Variants in IFT57 observed in about 807,000 individuals in gnomAD.
The protein encoded by IFT57 is intraflagellar transport protein 57 homolog.
A neutral mutation model predicts 56.8 loss-of-function variants in IFT57; 59 were observed. That is an observed-to-expected ratio of 1.04 (90% confidence interval 0.84 to 1.29). The LOEUF (loss-of-function observed/expected upper bound fraction) is 1.29. Among genes scored for constraint, IFT57 ranks in the 50% most tolerant of loss-of-function variants. IFT57 has a pLI of 0.00. For synonymous variants in IFT57, 209 were observed against 186.1 expected (o/e 1.12, Z -1.00); for missense variants, 470 against 522.1 (o/e 0.90, Z 0.97).
chr3:108,211,342 A>G (rs1364008468), intron 4 of IFT57, among the ~76,000 whole-genome samples: 1 of 152,246 alleles, frequency 6.6e-6, no homozygotes, highest in Non-Finnish European at 1.5e-5. Context: ...ATATATGAGT[A>G]CTTAATTTCT....
At chr3:108,180,065 A>T (rs2108313511) in intron 6 of IFT57, among the ~76,000 whole-genome samples, 1 of 152,174 alleles carries the variant, frequency 6.6e-6, no homozygotes, top group Admixed American at 6.6e-5. Context: ...ATCATCGGTA[A>T]GGAAGGCTAT....
chr3:108,163,328 T>C (rs905847166), intron 10 of IFT57, among the ~76,000 whole-genome samples: 2 of 152,078 alleles, frequency 1.3e-5, no homozygotes, highest in African/African-American at 4.8e-5. Context: ...CTTTTGTATA[T>C]AAAATAGAAA....
chr3:108,187,264 A>G (rs1372161718), intron 6 of IFT57, among the ~76,000 whole-genome samples: 1 of 152,222 alleles, frequency 6.6e-6, no homozygotes, highest in African/African-American at 2.4e-5. Flanking sequence ...TTAAGCTAAT[A>G]TTAAAATTAG....
In IFT57 at chr3:108,210,061, T is replaced by C. The variant is rs9816481; in HGVS notation, c.586-3365A>G. On this transcript the variant is annotated intron_variant, in intron 4 of 10. Coordinates refer to ENST00000264538, the MANE Select transcript of IFT57 (RefSeq NM_018010.4). ...TGTAAACAGGCTTAGAAAATTGTTT[T>C]GTAAACTATTAGAATACAATAGGAT... Among the ~76,000 whole-genome samples the C allele has an allele frequency of 4.6e-3, 702 of 152,280 alleles. 3 individuals carry two copies. Among genetic ancestry groups the C allele is most frequent in the African/African-American group, 0.016 (665 of 41,550 alleles).
intron 4 of IFT57, among the ~76,000 whole-genome samples, 155 bp from the exon 5 acceptor site, chr3:108,206,851 T>C (rs2080316769): frequency 6.6e-6 from 1 of 152,036 alleles, no homozygotes; most frequent in East Asian, 1.9e-4. Context: ...GTGCATAAAG[T>C]AGGGCACAAT....
chr3:108,175,933 C>G (rs755515285), intron 6 of IFT57, among the ~76,000 whole-genome samples: 31 of 151,762 alleles, frequency 2.0e-4, no homozygotes, highest in Non-Finnish European at 3.5e-4. Flanking sequence ...AAACCCTCAC[C>G]AGACCACAAC....
At chr3:108,214,278 T>C (rs535175280) in intron 3 of IFT57, among the ~76,000 whole-genome samples, 1 of 152,290 alleles carries the variant, frequency 6.6e-6, no homozygotes, top group South Asian at 2.1e-4. Context: ...TAATACACCA[T>C]ATTTAAATAC....
At chr3:108,172,660 T>G (rs1385733374) in intron 6 of IFT57, among the ~76,000 whole-genome samples, 1 of 151,798 alleles carries the variant, frequency 6.6e-6, no homozygotes, top group Non-Finnish European at 1.5e-5. Context: ...GAGGCAGAAC[T>G]AGCAAAACTT....
At chr3:108,205,990 A>T (rs1412256875) in intron 5 of IFT57, among the ~76,000 whole-genome samples, 40 of 27,154 alleles carry the variant, frequency 1.5e-3, no homozygotes, top group Non-Finnish European at 5.0e-3. Flanking sequence ...AATATATAAT[A>T]TATTTATGTT....
rs753896161 is a variant in IFT57 at position 108,165,415 on chromosome 3, G to A, written c.1044+16C>T. The A allele has an allele frequency of 2.5e-6, 4 of 1,608,278 alleles. No homozygotes were observed. The highest frequency in any genetic ancestry group is 3.4e-6 in the Non-Finnish European group (4 of 1,175,112). ...AGCTGACAGGTGAGAAGCAGGGCAA[G>A]AGCATCAGTGTGTACCTCAGAGAGG... On this transcript the variant is annotated intron_variant, in intron 9 of 10. Transcript: ENST00000264538.
intron 8 of IFT57, among the ~76,000 whole-genome samples, chr3:108,166,196 C>T (rs906537366): frequency 2.4e-4 from 37 of 152,048 alleles, no homozygotes; most frequent in African/African-American, 6.5e-4. Flanking sequence ...AAAAAATATG[C>T]CTTCAACTGA....
chr3:108,206,430 G>A (rs1041004859), intron 5 of IFT57, among the ~76,000 whole-genome samples, 198 bp downstream of exon 5: 7 of 151,902 alleles, frequency 4.6e-5, no homozygotes, highest in African/African-American at 9.7e-5. Flanking sequence ...ATACAGACAG[G>A]AGGCTGCCTC....
At chr3:108,209,455 A>G (rs959620689) in intron 4 of IFT57, among the ~76,000 whole-genome samples, 9 of 152,310 alleles carry the variant, frequency 5.9e-5, no homozygotes, top group Admixed American at 1.3e-4. Flanking sequence ...GAAGATGTAC[A>G]TGGATGGTAA....
chr3:108,175,581 C>T (rs1486604365), intron 6 of IFT57, among the ~76,000 whole-genome samples: 3 of 151,752 alleles, frequency 2.0e-5, no homozygotes, highest in Non-Finnish European at 4.4e-5. Flanking sequence ...CTATAAGGAT[C>T]TCTGGGTTTT....
At chr3:108,217,496 T>G (rs1452477264) in intron 3 of IFT57, among the ~76,000 whole-genome samples, 1 of 152,076 alleles carries the variant, frequency 6.6e-6, no homozygotes, top group African/African-American at 2.4e-5. Flanking sequence ...ATAATAATGT[T>G]TGGATTGAAG....
chr3:108,160,926 T>G lies in IFT57; in HGVS notation c.*1551A>C, dbSNP rs2108305382. The G allele has an allele frequency of 6.6e-6, 1 of 152,290 alleles. No homozygotes were observed. Among genetic ancestry groups the G allele is most frequent in the East Asian group, 1.9e-4 (1 of 5,180 alleles). 9.4% of individuals were successfully genotyped at this position (152,290 alleles called of 1,614,324 possible). A position where few individuals can be genotyped will look rare whatever the true frequency, so the allele number is the denominator to read the frequency against. On this transcript the variant is annotated 3_prime_UTR_variant, in exon 11 of 11. Coordinates refer to ENST00000264538, the MANE Select transcript of IFT57 (RefSeq NM_018010.4). ...TTTCAGAGAAGGAAGTAAAAATAGG[T>G]GGCTTATACTACTCATTGCAAGAAT...
intron 5 of IFT57, among the ~76,000 whole-genome samples, chr3:108,202,417 C>T (rs1272917755): frequency 6.6e-6 from 1 of 152,226 alleles, no homozygotes; most frequent in Non-Finnish European, 1.5e-5. Context: ...CTCCCTACAG[C>T]GCTGAATATT....
intron 8 of IFT57, among the ~76,000 whole-genome samples, chr3:108,166,030 T>C (rs1158920472): frequency 1.3e-5 from 2 of 152,098 alleles, no homozygotes; most frequent in Non-Finnish European, 2.9e-5. Context: ...AGTTAAAATA[T>C]TCATAAGTAA....
At chr3:108,164,428 G>C (rs997571783) in intron 9 of IFT57, among the ~76,000 whole-genome samples, 9 of 151,922 alleles carry the variant, frequency 5.9e-5, no homozygotes, top group South Asian at 2.1e-4. Context: ...CTACAACTAA[G>C]CTATAATTAT....
Sources: allele counts gnomAD v4.1 joint callset (sites outside exome capture counted in the v4.1 genomes callset), GRCh38; gene constraint gnomAD v4.1.1; transcripts MANE v1.5; gene names NCBI Gene and HGNC (gene_info 2026-07-23, HGNC 2026-07-21).